EXOC2: variants seen among roughly 807,000 people sequenced by gnomAD.
EXOC2 encodes the protein SEC5-like 1.
Under a neutral mutation model 131.8 loss-of-function variants are expected in EXOC2, and 70 were observed. The observed-to-expected ratio is 0.53, with a 90% confidence interval of 0.44 to 0.65. The LOEUF (loss-of-function observed/expected upper bound fraction) is 0.65. Ranked by LOEUF, EXOC2 falls within the 30% of genes least tolerant of loss-of-function variation. The pLI, the probability that EXOC2 is intolerant of heterozygous loss-of-function variation, is 0.00. For synonymous variants in EXOC2, 411 were observed against 398.4 expected, an observed-to-expected ratio of 1.03 and a Z score of -0.38; for missense variants, 923 against 1,108.6, an observed-to-expected ratio of 0.83 and a Z score of 2.38.
intron 6 of EXOC2, among the ~76,000 whole-genome samples, chr6:611,407 C>A (rs531992405): frequency 1.0e-3 from 154 of 152,368 alleles, no homozygotes; most frequent in Admixed American, 3.1e-3. Context: ...AGCCCTGCTC[C>A]ACAGGTTGCT....
At chr6:525,385 T>C (rs1005598802) in intron 23 of EXOC2, 9 of 152,174 alleles carry the variant, frequency 5.9e-5, no homozygotes, top group African/African-American at 2.2e-4. Flanking sequence ...GTTCAATGAG[T>C]GTTCTTGCAA....
chr6:522,535 A>G (rs2127525932), intron 23 of EXOC2, among the ~76,000 whole-genome samples: 1 of 151,920 alleles, frequency 6.6e-6, no homozygotes. Flanking sequence ...TGGGGACAGC[A>G]AAGTGTCTCC....
intron 23 of EXOC2, among the ~76,000 whole-genome samples, chr6:511,904 G>A (rs531709215): frequency 6.6e-6 from 1 of 152,284 alleles, no homozygotes; most frequent in Non-Finnish European, 1.5e-5. Context: ...GCATCACTCC[G>A]CCACATCTGT....
chr6:647,103 G>A (rs1328627521), intron 1 of EXOC2, among the ~76,000 whole-genome samples: 1 of 152,164 alleles, frequency 6.6e-6, no homozygotes, highest in Non-Finnish European at 1.5e-5. Flanking sequence ...GCTCCACTGA[G>A]TGGTGATTCA....
chr6:615,390 A>G (rs1760943548), intron 6 of EXOC2, among the ~76,000 whole-genome samples: 1 of 152,178 alleles, frequency 6.6e-6, no homozygotes, highest in Non-Finnish European at 1.5e-5. Context: ...TTGAAAGTGA[A>G]TCTTATCTAA....
chr6:562,496 G>C (rs1039559811), intron 17 of EXOC2, among the ~76,000 whole-genome samples: 4 of 152,182 alleles, frequency 2.6e-5, no homozygotes, highest in African/African-American at 9.7e-5. Context: ...AAGTTGCTGA[G>C]TAATTTAGAA....
At chr6:496,122 A>G (rs1459543036) in intron 25 of EXOC2, among the ~76,000 whole-genome samples, 1 of 152,044 alleles carries the variant, frequency 6.6e-6, no homozygotes, top group African/African-American at 2.4e-5. Flanking sequence ...AGTTTCCTTT[A>G]CATCATCTGA....
At chr6:669,573 T>A (rs1763769874) in intron 1 of EXOC2, 1 of 152,278 alleles carries the variant, frequency 6.6e-6, no homozygotes, top group Non-Finnish European at 1.5e-5. Flanking sequence ...CTCCTGATCC[T>A]CCTCAAGCCA....
chr6:521,469 A>G (rs1220679684), intron 23 of EXOC2, among the ~76,000 whole-genome samples: 1 of 152,218 alleles, frequency 6.6e-6, no homozygotes, highest in Non-Finnish European at 1.5e-5. Context: ...AGAATAATGA[A>G]GAAAGGTAGA....
chr6:625,070 G>C (rs192710670), intron 4 of EXOC2, among the ~76,000 whole-genome samples: 2 of 152,240 alleles, frequency 1.3e-5, no homozygotes, highest in Non-Finnish European at 1.5e-5. Flanking sequence ...ACCCTGAACA[G>C]ATATGTTTTC....
chr6:587,680 G>A (rs188181922), intron 11 of EXOC2, among the ~76,000 whole-genome samples: 17 of 152,308 alleles, frequency 1.1e-4, no homozygotes, highest in East Asian at 1.9e-4. Flanking sequence ...CCTTCCATCC[G>A]AGGAAACGTT....
intron 23 of EXOC2, among the ~76,000 whole-genome samples, chr6:521,714 GATGGGGTCTCACT>G (rs1765478232): frequency 6.6e-6 from 1 of 151,888 alleles, no homozygotes. Flanking sequence ...TTTTTGTAGG[GATGGGGTCTCACT>G]ATGTTGCCCA....
rs770026461 is a variant in EXOC2 at position 637,687 on chromosome 6, G to A, written c.118+14C>T. ...TCCGATTAGCAGGGTGCGTCGCAGG[G>A]CCTCTGCCCTTACCTATGAGGTCGG... On this transcript the variant is annotated intron_variant, in intron 2 of 27. Coordinates refer to ENST00000230449, the MANE Select transcript of EXOC2 (RefSeq NM_018303.6). The A allele has an allele frequency of 4.4e-6, 7 of 1,596,118 alleles. No homozygotes were observed. In the Admixed American group the frequency reaches 1.3e-4, roughly 29 times the overall value.
chr6:589,783 G>A (rs1298826661), intron 11 of EXOC2, among the ~76,000 whole-genome samples: 1 of 152,170 alleles, frequency 6.6e-6, no homozygotes, highest in Non-Finnish European at 1.5e-5. Flanking sequence ...CGGAGGGAAG[G>A]GGTAAGGCCA....
chr6:512,916 A>C (rs1283722202), intron 23 of EXOC2, among the ~76,000 whole-genome samples: 1 of 152,264 alleles, frequency 6.6e-6, no homozygotes, highest in Non-Finnish European at 1.5e-5. Flanking sequence ...AAATATTTTC[A>C]TTTGAAAATG....
chr6:669,287 G>T (rs554515261), intron 1 of EXOC2: 1 of 152,510 alleles, frequency 6.6e-6, no homozygotes, highest in East Asian at 1.9e-4. Flanking sequence ...CCCCCTGCCA[G>T]CCCTGAATGT....
chr6:488,860 TTC>T lies in EXOC2; in HGVS notation c.2681+117_2681+118del, dbSNP rs1763253267. Reference sequence around the variant, plus strand: ...AAGTAGGTATATCTGCTTATTCTGATTCTTATTTGGATTCTGCTCTTCCTAGA... The same window carrying T: ...AAGTAGGTATATCTGCTTATTCTGATTTATTTGGATTCTGCTCTTCCTAGA... On this transcript the variant is annotated intron_variant, in intron 27 of 27. Transcript: ENST00000230449. 7 of 1,083,036 alleles carry T rather than the reference TTC, an allele frequency of 6.5e-6. No homozygotes were observed. The Admixed American group carries it at 1.3e-4, about 20-fold the overall frequency. The allele number at this position is 1,083,036 out of a possible 1,614,324, so 67.1% of individuals were successfully genotyped here.
intron 6 of EXOC2, among the ~76,000 whole-genome samples, chr6:611,092 T>C (rs1236968122): frequency 6.6e-6 from 1 of 152,168 alleles, no homozygotes; most frequent in East Asian, 1.9e-4. Flanking sequence ...AGGAACTTCC[T>C]TCCCTCTCTG....
chr6:511,826 T>C (rs1352236359), intron 23 of EXOC2, among the ~76,000 whole-genome samples: 1 of 152,232 alleles, frequency 6.6e-6, no homozygotes, highest in African/African-American at 2.4e-5. Flanking sequence ...ATGTTGCTTG[T>C]TATTTCTCTT....
Sources: allele counts gnomAD v4.1 joint callset (sites outside exome capture counted in the v4.1 genomes callset), GRCh38; gene constraint gnomAD v4.1.1; transcripts MANE v1.5; gene names NCBI Gene and HGNC (gene_info 2026-07-23, HGNC 2026-07-21).